Variants in GMEB1 observed in about 807,000 individuals in gnomAD.
GMEB1 encodes the protein glucocorticoid modulatory element-binding protein 1.
A neutral mutation model predicts 52.4 loss-of-function variants in GMEB1; 6 were observed. That is an observed-to-expected ratio of 0.11 (90% confidence interval 0.06 to 0.23). The LOEUF (loss-of-function observed/expected upper bound fraction) is 0.23. Among genes scored for constraint, GMEB1 ranks in the 10% least tolerant of loss-of-function variants. The pLI is 1.00. For missense variants in GMEB1, 486 were observed against 685.6 expected (o/e 0.71, Z 3.25); for synonymous variants, 255 against 244.9 (o/e 1.04, Z -0.38).
In GMEB1 at chr1:28,714,875, A is replaced by T; in HGVS notation, c.*102A>T. 6 of 766,216 alleles carry T rather than the reference A, an allele frequency of 7.8e-6. No homozygotes were observed. Among genetic ancestry groups the T allele is most frequent in the Non-Finnish European group, 1.0e-5 (5 of 492,966 alleles). 47.5% of individuals were successfully genotyped at this position (766,216 alleles called of 1,614,324 possible). A position where few individuals can be genotyped will look rare whatever the true frequency, so the allele number is the denominator to read the frequency against. On this transcript the variant is annotated 3_prime_UTR_variant, in exon 10 of 10. Transcript: ENST00000373816. The stretch of plus-strand genomic sequence containing the variant: ...CATTTCCACATAGGACCCTTTTTTA[A>T]AAAAAAAAAAACAAAATCTTATTGT...
intron 6 of GMEB1, among the ~76,000 whole-genome samples, chr1:28,699,064 A>G (rs1303897181): frequency 1.3e-5 from 2 of 152,222 alleles, no homozygotes. Flanking sequence ...GTTTTCACCC[A>G]TTATACTGAG....
At position 28,714,831 on chromosome 1, in the gene GMEB1, T is replaced by C. The variant is rs1671218587; in HGVS notation, c.*58T>C. 1 of 1,190,012 alleles carries C rather than the reference T, an allele frequency of 8.4e-7. No individual in the cohort carries two copies. The highest frequency in any genetic ancestry group is 2.1e-5 in the Admixed American group (1 of 46,906). 73.7% of individuals were successfully genotyped at this position (1,190,012 alleles called of 1,614,324 possible). On this transcript the variant is annotated 3_prime_UTR_variant, in exon 10 of 10. Transcript: ENST00000373816. ...ATTTGGAATTTTAATTATTTGTTTA[T>C]TTTTATCATTGTCCCACTCATTTCC...
intron 5 of GMEB1, among the ~76,000 whole-genome samples, chr1:28,693,343 G>A (rs921118317): frequency 2.6e-4 from 38 of 145,892 alleles, no homozygotes; most frequent in Middle Eastern, 3.8e-3. Context: ...TCAGCCTCCC[G>A]AGTAGCTGGG....
chr1:28,716,613 C>T lies in GMEB1; in HGVS notation c.*1840C>T, dbSNP rs1671279832. On this transcript the variant is annotated 3_prime_UTR_variant, in exon 10 of 10. Transcript: ENST00000373816. ...AGCTTTAGGCTTGGCAGAGAGGACT[C>T]AACACCCCCAGGCTTTCCTGAGGCA... 2.0e-5 allele frequency: 3 copies of T among 152,108 alleles called. No homozygotes were observed. The highest frequency in any genetic ancestry group is 7.2e-5 in the African/African-American group (3 of 41,426). 9.4% of individuals were successfully genotyped at this position (152,108 alleles called of 1,614,324 possible).
At chr1:28,711,202 C>T (rs1380162390) in intron 9 of GMEB1, among the ~76,000 whole-genome samples, 5 of 151,156 alleles carry the variant, frequency 3.3e-5, no homozygotes, top group South Asian at 2.1e-4. Flanking sequence ...AGGAGAAGGG[C>T]GTGAACCCGG....
rs927049210 is a variant in GMEB1 at position 28,672,187 on chromosome 1, T to A, written c.-31+3348T>A. Among the ~76,000 whole-genome samples, 25 of 145,644 alleles carry A rather than the reference T, an allele frequency of 1.7e-4. No individual in the cohort carries two copies. The Admixed American group carries it at 1.7e-3, about 10-fold the overall frequency. On this transcript the variant is annotated intron_variant, in intron 1 of 9. Transcript: ENST00000373816. ...TCGTACTCATTTTTACTTTTTTTTTTAACTTTTATTTTTATTTATTTATTT... is the reference window on the plus strand; with the variant it reads ...TCGTACTCATTTTTACTTTTTTTTTAAACTTTTATTTTTATTTATTTATTT...
intron 7 of GMEB1, among the ~76,000 whole-genome samples, chr1:28,703,891 T>C (rs896333633): frequency 2.6e-5 from 4 of 152,132 alleles, no homozygotes; most frequent in African/African-American, 9.7e-5. Context: ...TAAATATGTT[T>C]AATGTTTAAT....
In GMEB1 at chr1:28,675,782, G is replaced by T. The variant is rs527266285; in HGVS notation, c.-31+6943G>T. Among the ~76,000 whole-genome samples the T allele has an allele frequency of 3.9e-5, 6 of 152,012 alleles. No homozygotes were observed. In the East Asian group the frequency reaches 7.7e-4, roughly 20 times the overall value. The stretch of plus-strand genomic sequence containing the variant: ...TTCACAATGCATACTCCAAAGCCCC[G>T]AACGATCAACTCACTCATCTTGCCT... On this transcript the variant is annotated intron_variant, in intron 1 of 9. Transcript: ENST00000373816.
At chr1:28,669,102 G>A (rs1439660340) in intron 1 of GMEB1, among the ~76,000 whole-genome samples, 2 of 148,914 alleles carry the variant, frequency 1.3e-5, no homozygotes, top group African/African-American at 4.9e-5. Flanking sequence ...GCAGCCGGCC[G>A]CGCCGCCGGG....
At chr1:28,710,700 A>G (rs894876596) in intron 9 of GMEB1, 58 bp downstream of exon 9, 112 of 1,239,934 alleles carry the variant, frequency 9.0e-5, no homozygotes, top group Non-Finnish European at 1.1e-4. Context: ...TTGTCTTCCC[A>G]TTTTCTTGTT....
In GMEB1 at chr1:28,702,374, A is replaced by G. The variant is rs1670556079; in HGVS notation, c.599-64A>G. 4 of 1,380,208 alleles carry G rather than the reference A, an allele frequency of 2.9e-6. No individual in the cohort carries two copies. In the African/African-American group the frequency reaches 4.3e-5, roughly 15 times the overall value. The allele number at this position is 1,380,208 out of a possible 1,614,324, so 85.5% of individuals were successfully genotyped here. ...GGTCTTTGTAGCTATTGAGTATGAG[A>G]TATAGGATAGCTATAACTTTTTCGT... On this transcript the variant is annotated intron_variant, in intron 6 of 9. Transcript: ENST00000373816.
chr1:28,699,184 A>G (rs539673871), intron 6 of GMEB1, among the ~76,000 whole-genome samples: 16 of 152,276 alleles, frequency 1.1e-4, no homozygotes, highest in Middle Eastern at 3.4e-3. Flanking sequence ...GGCTTCCCAC[A>G]GATGAAACAG....
intron 1 of GMEB1, among the ~76,000 whole-genome samples, chr1:28,673,124 C>T (rs1452186597): frequency 6.6e-6 from 1 of 152,028 alleles, no homozygotes; most frequent in South Asian, 2.1e-4. Flanking sequence ...GAACTCCCCA[C>T]CTCAGGTGAT....
At chr1:28,678,343 G>A (rs1469182111) in intron 1 of GMEB1, among the ~76,000 whole-genome samples, 3 of 152,034 alleles carry the variant, frequency 2.0e-5, no homozygotes. Context: ...ACGGAGTCTC[G>A]CTCTGTCGCC....
At chr1:28,695,795 C>T (rs978713306) in intron 5 of GMEB1, among the ~76,000 whole-genome samples, 2 of 144,522 alleles carry the variant, frequency 1.4e-5, no homozygotes, top group African/African-American at 2.5e-5. Flanking sequence ...AAAAATTAGC[C>T]GGGCGTAGTG....
chr1:28,706,247 C>A (rs1267069197), intron 8 of GMEB1, among the ~76,000 whole-genome samples: 1 of 152,126 alleles, frequency 6.6e-6, no homozygotes, highest in South Asian at 2.1e-4. Context: ...TCACTTATAG[C>A]TGTTTCTGAA....
chr1:28,702,928 G>T (rs895302997), intron 7 of GMEB1, among the ~76,000 whole-genome samples: 2 of 151,982 alleles, frequency 1.3e-5, no homozygotes, highest in African/African-American at 2.4e-5. Context: ...GGTAGCAGGC[G>T]CCTGTAGTCC....
Position 28,704,194 on chromosome 1 carries a change from G to A in GMEB1, c.733G>A (p.Asp245Asn). The change falls in exon 8 of 10, where the codon GAC becomes AAC. Residue 245 changes from aspartate (D) to asparagine (N), a missense_variant and splice_region_variant. Coordinates refer to ENST00000373816, the MANE Select transcript of GMEB1 (RefSeq NM_001319674.2). Reference protein sequence around the residue: ...VKKDSEEISEDTLMFWKGIAD... With the variant: ...VKKDSEEISENTLMFWKGIAD... ...CTGTCTTATCCTTCTTGTGCCAGAG[G>A]ACACTTTGATGTTCTGGAAAGGAAT... 6.2e-7 allele frequency: 1 copy of A among 1,610,092 alleles called. No individual in the cohort carries two copies. Among genetic ancestry groups the A allele is most frequent in the Non-Finnish European group, 8.5e-7 (1 of 1,177,956 alleles).
chr1:28,677,785 T>A (rs973698796), intron 1 of GMEB1, among the ~76,000 whole-genome samples: 4 of 152,314 alleles, frequency 2.6e-5, no homozygotes, highest in African/African-American at 9.6e-5. Flanking sequence ...CTTAATTGTT[T>A]TGGTTCTACT....
Sources: gnomAD v4.1 joint callset for allele counts (sites outside exome capture counted in the v4.1 genomes callset) on GRCh38, gnomAD v4.1.1 for gene constraint, MANE v1.5 for transcripts, NCBI Gene and HGNC (gene_info 2026-07-23, HGNC 2026-07-21) for gene names.